Variants in SNX25 observed in about 807,000 individuals in gnomAD.
The protein encoded by SNX25 is sorting nexin-25.
A neutral mutation model predicts 113.7 loss-of-function variants in SNX25; 62 were observed. The observed-to-expected ratio is 0.55, with a 90% CI of 0.44 to 0.67. The LOEUF is 0.67. SNX25 is among the 30% of genes least tolerant of loss of function. The pLI is 0.00. For missense variants in SNX25, 1,014 were observed against 1,161.0 expected (o/e 0.87, Z 1.84); for synonymous variants, 421 against 436.2 (o/e 0.97, Z 0.43).
At chr4:185,315,016 C>T (rs2095060743) in intron 7 of SNX25, among the ~76,000 whole-genome samples, 1 of 151,654 alleles carries the variant, frequency 6.6e-6, no homozygotes, top group South Asian at 2.1e-4. Context: ...ATCACGAGGT[C>T]AGGAGATCGA....
chr4:185,294,943 T>C (rs527330093), intron 6 of SNX25, among the ~76,000 whole-genome samples: 1 of 152,298 alleles, frequency 6.6e-6, no homozygotes, highest in South Asian at 2.1e-4. Context: ...ATTTCTGTGG[T>C]CTTTGGAGTT....
At chr4:185,353,261 A>AT (rs961604557) in intron 14 of SNX25, 458 of 425,404 alleles carry the variant, frequency 1.1e-3, no homozygotes, top group African/African-American at 4.0e-3. Flanking sequence ...ACAGCGACAG[A>AT]TTTTTTTTTA....
intron 1 of SNX25, among the ~76,000 whole-genome samples, chr4:185,239,219 C>T (rs1055456421): frequency 3.3e-5 from 5 of 151,572 alleles, no homozygotes; most frequent in East Asian, 1.9e-4. Context: ...CGGTGGCTCA[C>T]ACCTGTAATC....
At chr4:185,281,250 C>G (rs1750522867) in intron 5 of SNX25, among the ~76,000 whole-genome samples, 1 of 151,984 alleles carries the variant, frequency 6.6e-6, no homozygotes, top group Non-Finnish European at 1.5e-5. Context: ...TGTATACGTA[C>G]CATTTCCCTA....
At chr4:185,336,756 G>A (rs889163037) in intron 10 of SNX25, among the ~76,000 whole-genome samples, 10 of 152,174 alleles carry the variant, frequency 6.6e-5, no homozygotes, top group Admixed American at 1.3e-4. Flanking sequence ...CATAGTGGTT[G>A]TACTAGTTTA....
intron 13 of SNX25, among the ~76,000 whole-genome samples, chr4:185,347,722 C>T (rs533316314): frequency 1.4e-4 from 21 of 152,266 alleles, no homozygotes; most frequent in Admixed American, 1.3e-3. Flanking sequence ...CTGCCCACCT[C>T]GACCTCCCAA....
rs1395933527 is a variant in SNX25, at chr4:185,232,695, C to T, written c.430-14599C>T. ...CGTGACTCATCCAGTTGTTGAGTTA[C>T]AGGACAGCTTTAAAGCAGGGGCAGC... On this transcript the variant is annotated intron_variant, in intron 1 of 18. Coordinates refer to ENST00000652585, the MANE Select transcript of SNX25 (RefSeq NM_001378034.2). This position sits in a 1 kb window ranked among gnomAD's most constrained non-coding sequence, Gnocchi z 4.4. 6.6e-6 allele frequency among the ~76,000 whole-genome samples: 1 copy of T among 152,200 alleles called. No individual in the cohort carries two copies. The highest frequency in any genetic ancestry group is 1.5e-5 in the Non-Finnish European group (1 of 68,036).
In SNX25 at chr4:185,210,284, T is replaced by C; in HGVS notation, c.429+29T>C. 3 of 984,222 alleles carry C rather than the reference T, an allele frequency of 3.0e-6. No homozygotes were observed. The highest frequency in any genetic ancestry group is 3.6e-6 in the Non-Finnish European group (3 of 829,642). The allele number at this position is 984,222 out of a possible 1,614,324, so 61.0% of individuals were successfully genotyped here. A position where few individuals can be genotyped will look rare whatever the true frequency, so the allele number is the denominator to read the frequency against. On this transcript the variant is annotated intron_variant, in intron 1 of 18. Coordinates refer to ENST00000652585, the MANE Select transcript of SNX25 (RefSeq NM_001378034.2). This position sits in a 1 kb window ranked among gnomAD's most constrained non-coding sequence, Gnocchi z 4.4. ...AGTACCCGACTCCTGGCCGCCCAGC[T>C]CCGCCGGCCCTCCCCGCTTCCGGTG... is the stretch of plus-strand genomic sequence containing the variant.
In SNX25 at chr4:185,320,770, A is replaced by G. The variant is rs758884112; in HGVS notation, c.1382A>G (p.Tyr461Cys). 2.5e-6 allele frequency: 4 copies of G among 1,600,102 alleles called. No individual in the cohort carries two copies. The African/African-American group carries it at 4.0e-5, about 16-fold the overall frequency. The part of the protein sequence containing the change: ...QFEDILANTF[Y>C]REHFGMYMER... ...GAAGATATCTTGGCCAATACGTTCT[A>G]CCGAGAGCACTTTGGAATGTACATG... Residue 461 changes from tyrosine to cysteine, a missense_variant, in exon 8 of 19, where the codon TAC (tyrosine) becomes TGC (cysteine). Coordinates refer to ENST00000652585, the MANE Select transcript of SNX25 (RefSeq NM_001378034.2).
chr4:185,320,533 C>T (rs1365481847), intron 7 of SNX25, among the ~76,000 whole-genome samples, 200 bp from the exon 8 acceptor site: 1 of 152,010 alleles, frequency 6.6e-6, no homozygotes, highest in East Asian at 1.9e-4. Flanking sequence ...AGCAAACCAC[C>T]ACAGCACATA....
chr4:185,296,891 T>C (rs1029582641), intron 6 of SNX25, among the ~76,000 whole-genome samples: 5 of 152,220 alleles, frequency 3.3e-5, no homozygotes, highest in Non-Finnish European at 5.9e-5. Flanking sequence ...CTGTTGGTCA[T>C]AGAATTTGGG....
intron 1 of SNX25, among the ~76,000 whole-genome samples, chr4:185,239,698 CT>C (rs940816817): frequency 6.8e-4 from 82 of 119,866 alleles, no homozygotes; most frequent in Middle Eastern, 4.7e-3. Flanking sequence ...GCTTTGCTTT[CT>C]TTTTTTTTGT....
In SNX25 at chr4:185,239,212, T is replaced by G. The variant is rs185753282; in HGVS notation, c.430-8082T>G. 4.6e-3 allele frequency among the ~76,000 whole-genome samples: 697 copies of G among 152,184 alleles called. 5 individuals are homozygous for G. The highest frequency in any genetic ancestry group is 6.1e-3 in the Non-Finnish European group (417 of 68,020). On this transcript the variant is annotated intron_variant, in intron 1 of 18. Transcript: ENST00000652585. Reference sequence around the variant, plus strand: ...GAGAAAAGTTTTCTGCCAGGCGCGGTGGCTCACACCTGTAATCCCAGCACT... The same window carrying G: ...GAGAAAAGTTTTCTGCCAGGCGCGGGGGCTCACACCTGTAATCCCAGCACT...
chr4:185,342,143 C>T (rs750029621), intron 12 of SNX25, 27 bp downstream of exon 12: 13 of 1,513,376 alleles, frequency 8.6e-6, no homozygotes. Context: ...ACGCAGTATT[C>T]TAGAATTACT....
Position 185,264,493 on chromosome 4 carries a change from G to T in SNX25, c.787G>T (p.Asp263Tyr). ...VLHACLRNSD[D>Y]EVRFLQTCSR... ...GCACGCATGCTTGAGGAACTCAGAT[G>T]ATGAAGTAAGATTTCTACAAACGTG... The change falls in exon 4 of 19, where the codon GAT becomes TAT. Residue 263 changes from aspartate (D) to tyrosine (Y), a missense_variant. Coordinates refer to ENST00000652585, the MANE Select transcript of SNX25 (RefSeq NM_001378034.2). The T allele has an allele frequency of 6.2e-7, 1 of 1,613,938 alleles. No homozygotes were observed. The highest frequency in any genetic ancestry group is 8.5e-7 in the Non-Finnish European group (1 of 1,179,952).
At chr4:185,350,465 C>A (rs536924406) in intron 13 of SNX25, among the ~76,000 whole-genome samples, 2 of 152,310 alleles carry the variant, frequency 1.3e-5, no homozygotes, top group East Asian at 3.9e-4. Flanking sequence ...TACCATAGCA[C>A]TTGTACATAG....
intron 6 of SNX25, among the ~76,000 whole-genome samples, chr4:185,291,340 A>G (rs1288544): frequency 0.023 from 3,480 of 152,184 alleles, 120 homozygotes; most frequent in African/African-American, 0.076. Context: ...GAAACTTCGT[A>G]TCCGTTAAAC....
At chr4:185,368,158 A>G (rs2095397760), downstream of SNX25, among the ~76,000 whole-genome samples, 1 of 152,192 alleles carries the variant, frequency 6.6e-6, no homozygotes, top group African/African-American at 2.4e-5. Flanking sequence ...AGCCTGGGCA[A>G]CAGAGCCAGA....
intron 1 of SNX25, among the ~76,000 whole-genome samples, chr4:185,240,201 A>G (rs570426654): frequency 6.6e-6 from 1 of 152,032 alleles, no homozygotes; most frequent in African/African-American, 2.4e-5. Flanking sequence ...CCGATTTCTC[A>G]GTCTTTTCCC....
Sources: allele counts gnomAD v4.1 joint callset (sites outside exome capture counted in the v4.1 genomes callset), GRCh38; gene constraint gnomAD v4.1.1; non-coding constraint Gnocchi (gnomAD v3.1); transcripts MANE v1.5; gene names NCBI Gene and HGNC (gene_info 2026-07-23, HGNC 2026-07-21).